Variants in THPO observed in about 807,000 individuals in gnomAD.
The protein encoded by THPO is thrombopoietin.
Under a neutral mutation model 17.0 loss-of-function variants are expected in THPO, and 12 were observed. The ratio of observed to expected loss-of-function variants is 0.71; its 90% CI spans 0.45 to 1.14. The LOEUF is 1.14. Ranked by LOEUF, THPO falls within the 50% of genes most tolerant of loss-of-function variation. The probability of loss-of-function intolerance (pLI) is 0.00; values close to 1 mark genes in which losing one functional copy is unlikely to be tolerated. For synonymous variants in THPO, 188 were observed against 183.0 expected (o/e 1.03, Z -0.22); for missense variants, 365 against 427.5 (o/e 0.85, Z 1.29).
upstream of THPO, among the ~76,000 whole-genome samples, chr3:184,379,580 G>A (rs573328801): frequency 1.9e-4 from 29 of 152,208 alleles, no homozygotes; most frequent in African/African-American, 6.7e-4. Context: ...GGGGGAGATC[G>A]GCTGATGGAC....
chr3:184,379,127 C>A (rs1560289618), upstream of THPO, among the ~76,000 whole-genome samples: 1 of 152,170 alleles, frequency 6.6e-6, no homozygotes, highest in Non-Finnish European at 1.5e-5. Flanking sequence ...CAAGGATGGG[C>A]ATGTCTGCTG....
chr3:184,379,348 G>C (rs536120410), upstream of THPO, among the ~76,000 whole-genome samples: 31 of 152,236 alleles, frequency 2.0e-4, no homozygotes, highest in South Asian at 6.0e-3. Context: ...GTGAAGGAAG[G>C]GGGTGAGAAA....
intron 4 of THPO, among the ~76,000 whole-genome samples, chr3:184,374,814 G>A (rs1714247379): frequency 6.6e-6 from 1 of 152,066 alleles, no homozygotes; most frequent in African/African-American, 2.4e-5. Flanking sequence ...TTGAGACGGA[G>A]TTTTGCTCTT....
At position 184,372,511 on chromosome 3, in the gene THPO, C is replaced by A. The variant is rs377310955; in HGVS notation, c.*2G>T. ...TGCTGATGTCGGCAGTGTCTGAGAA[C>A]CTTACCCTTCCTGAGACAGATTCTG... On this transcript the variant is annotated 3_prime_UTR_variant, in exon 6 of 6. Transcript: ENST00000647395. The A allele has an allele frequency of 3.0e-5, 48 of 1,613,944 alleles. No homozygotes were observed. Among genetic ancestry groups the A allele is most frequent in the Non-Finnish European group, 3.9e-5 (46 of 1,180,026 alleles).
Position 184,372,717 on chromosome 3 carries a change from G to A in THPO, c.858C>T (p.Pro286=). Reference sequence around the variant, plus strand: ...AAGGAGAATATCCAGGCTGGAGGTTGGGTGGCAGGGAGCCTGTGTCTGATG... The same window carrying A: ...AAGGAGAATATCCAGGCTGGAGGTTAGGTGGCAGGGAGCCTGTGTCTGATG... The part of the protein sequence containing the change: ...SGTSDTGSLP[P]NLQPGYSPSP... The change falls in exon 6 of 6, where the codon CCC becomes CCT. Residue 286 remains proline, a synonymous_variant. Transcript: ENST00000647395. 6.2e-7 allele frequency: 1 copy of A among 1,613,774 alleles called. No homozygotes were observed. Among genetic ancestry groups the A allele is most frequent in the Non-Finnish European group, 8.5e-7 (1 of 1,179,698 alleles).
At chr3:184,373,376 A>G (rs1467030730) in intron 5 of THPO, 39 bp downstream of exon 5, 1 of 1,613,084 alleles carries the variant, frequency 6.2e-7, no homozygotes, top group Non-Finnish European at 8.5e-7. Flanking sequence ...CTGAGTCAGA[A>G]AAGAACAGTT....
At position 184,376,412 on chromosome 3, in the gene THPO, T is replaced by C; in HGVS notation, c.-145-8A>G. The stretch of plus-strand genomic sequence containing the variant: ...AAGGGTGAAGAATCTATCCTGAAAG[T>C]AGCAAGAAGAGTGAACATTTAACCA... On this transcript the variant is annotated splice_region_variant and splice_polypyrimidine_tract_variant and intron_variant, in intron 1 of 5. Coordinates refer to ENST00000647395, the MANE Select transcript of THPO (RefSeq NM_000460.4). 1.3e-6 allele frequency: 2 copies of C among 1,571,234 alleles called. No individual in the cohort carries two copies. Among genetic ancestry groups the C allele is most frequent in the African/African-American group, 1.4e-5 (1 of 73,592 alleles).
intron 1 of THPO, among the ~76,000 whole-genome samples, chr3:184,377,644 C>T (rs1014569782): frequency 6.6e-6 from 1 of 152,164 alleles, no homozygotes; most frequent in Non-Finnish European, 1.5e-5. Context: ...GGCCCTCCTC[C>T]CATTACCCTC....
intron 3 of THPO, 137 bp downstream of exon 3, chr3:184,375,751 G>A: frequency 6.7e-7 from 1 of 1,484,006 alleles, no homozygotes; most frequent in Non-Finnish European, 9.4e-7. Context: ...TTGTCAGAGA[G>A]TGTGATCAGT....
In THPO at chr3:184,373,005, G is replaced by T. The variant is rs1469863914; in HGVS notation, c.570C>A (p.Leu190=). ...TCCTGTTTGGGAGCTCGTTCAGTGTGAGGACTAGAGAGGTTCTGCTGGGGA... is the reference window on the plus strand; with the variant it reads ...TCCTGTTTGGGAGCTCGTTCAGTGTTAGGACTAGAGAGGTTCTGCTGGGGA... ...TAVPSRTSLV[L]TLNELPNRTS... is the part of the protein sequence containing the mutation. The change falls in exon 6 of 6, where the codon CTC becomes CTA. Residue 190 remains leucine, a synonymous_variant. Coordinates refer to ENST00000647395, the MANE Select transcript of THPO (RefSeq NM_000460.4). The T allele has an allele frequency of 1.2e-6, 2 of 1,614,184 alleles. No individual in the cohort carries two copies. The highest frequency in any genetic ancestry group is 1.7e-5 in the Admixed American group (1 of 60,032).
intron 5 of THPO, 61 bp from the exon 6 acceptor site, chr3:184,373,239 C>CT (rs1259341956): frequency 6.2e-7 from 1 of 1,601,352 alleles, no homozygotes; most frequent in Non-Finnish European, 8.5e-7. Context: ...CCTCCCTTGT[C>CT]TAAGTAGGAA....
intron 1 of THPO, among the ~76,000 whole-genome samples, chr3:184,376,854 AAAAG>A (rs749356268): frequency 0.012 from 1,767 of 150,664 alleles, 28 homozygotes; most frequent in Admixed American, 0.036. Flanking sequence ...TCAAAAAAAA[AAAAG>A]AAAGAAAGAA....
upstream of THPO, among the ~76,000 whole-genome samples, chr3:184,378,586 G>C (rs1020756807): frequency 6.6e-6 from 1 of 152,208 alleles, no homozygotes; most frequent in African/African-American, 2.4e-5. Flanking sequence ...ATCCCCTAGG[G>C]AGTCCTATCT....
rs774761940 is a variant in THPO, at chr3:184,376,292, T to A, written c.-33A>T. On this transcript the variant is annotated 5_prime_UTR_variant, in exon 2 of 6. Transcript: ENST00000647395. ...GGGGTGTCTGGCTGGCGTGGCTCCC[T>A]GTTTGGGGCCTCTCCCCTGAATCCT... The A allele has an allele frequency of 3.1e-6, 5 of 1,614,076 alleles. No individual in the cohort carries two copies. The highest frequency in any genetic ancestry group is 1.3e-5 in the African/African-American group (1 of 74,938).
rs779988482 is a variant in THPO at position 184,373,113 on chromosome 3, G to A, written c.462C>T (p.His154=). The A allele has an allele frequency of 1.9e-6, 3 of 1,613,784 alleles. No individual in the cohort carries two copies. Among genetic ancestry groups the A allele is most frequent in the South Asian group, 2.2e-5 (2 of 91,078 alleles). ...GGAAACGCACCTTTCCTCGGAGCAG[G>A]TGTTGGAAGCTCAGGAAGATGGCAT... The part of the protein sequence containing the change: ...DPNAIFLSFQ[H]LLRGKVRFLM... The change falls in exon 6 of 6, where the codon CAC becomes CAT. Residue 154 remains histidine (H), a synonymous_variant. Transcript: ENST00000647395.
intron 4 of THPO, among the ~76,000 whole-genome samples, chr3:184,374,458 C>T (rs920793808): frequency 6.6e-6 from 1 of 152,182 alleles, no homozygotes; most frequent in African/African-American, 2.4e-5. Flanking sequence ...TTTCTAGACA[C>T]ATGTTAGTTT....
At chr3:184,375,740 C>G (rs1714334512) in intron 3 of THPO, 139 bp from the exon 4 acceptor site, 1 of 1,484,668 alleles carries the variant, frequency 6.7e-7, no homozygotes, top group Non-Finnish European at 9.4e-7. Flanking sequence ...AAGAATAATC[C>G]TTGTCAGAGA....
intron 4 of THPO, among the ~76,000 whole-genome samples, chr3:184,374,083 C>T (rs1271264932): frequency 6.6e-6 from 1 of 152,104 alleles, no homozygotes. Flanking sequence ...CAAAAATTAG[C>T]TGGGCATGGT....
chr3:184,376,520 C>T (rs768122710), intron 1 of THPO, 116 bp from the exon 2 acceptor site: 2 of 1,144,326 alleles, frequency 1.7e-6, no homozygotes, highest in Non-Finnish European at 2.4e-6. Context: ...ACTGCCAAAG[C>T]CCTGAATTCT....
Sources: gnomAD v4.1 joint callset for allele counts (sites outside exome capture counted in the v4.1 genomes callset) on GRCh38, gnomAD v4.1.1 for gene constraint, MANE v1.5 for transcripts, NCBI Gene and HGNC (gene_info 2026-07-23, HGNC 2026-07-21) for gene names.